Variants in MACF1 observed in about 807,000 individuals in gnomAD.
MACF1 encodes microtubule actin crosslinking factor 1.
MACF1 carries 193 observed loss-of-function variants against 854.8 expected under a neutral mutation model. The ratio of observed to expected loss-of-function variants is 0.23; its 90% CI spans 0.20 to 0.25. The LOEUF (loss-of-function observed/expected upper bound fraction) is 0.25. MACF1 is among the 10% of genes least tolerant of loss of function. The pLI is 1.00. For missense variants in MACF1, 7,722 were observed against 8,929.1 expected (o/e 0.86, Z 5.45); for synonymous variants, 3,185 against 3,226.7 (o/e 0.99, Z 0.44).
At chr1:39,432,790 G>A in intron 67 of MACF1, 136 bp downstream of exon 67, 5 of 1,083,678 alleles carry the variant, frequency 4.6e-6, no homozygotes, top group Non-Finnish European at 6.3e-6. Flanking sequence ...CTATGTATTT[G>A]GTTGAGATGA....
chr1:39,331,785 T>C lies in MACF1; in HGVS notation c.5197T>C (p.Leu1733=), dbSNP rs151286733. Residue 1733 remains leucine (L), a synonymous_variant, in exon 37 of 101, where the codon TTG becomes CTG. Transcript: ENST00000564288. ...SGFKLLPVKQ[L]AGGMVSLKSG... is the part of the protein sequence containing the mutation. ...ATTCAAATTACTGCCTGTCAAACAA[T>C]TGGCAGGGGGGATGGTGAGCTTGAA... 8.1e-6 allele frequency: 13 copies of C among 1,613,988 alleles called. No homozygotes were observed. Among genetic ancestry groups the C allele is most frequent in the Non-Finnish European group, 1.0e-5 (12 of 1,180,028 alleles).
Position 39,317,372 on chromosome 1 carries a change from G to T in MACF1, c.3747G>T (p.Glu1249Asp), listed in dbSNP as rs1333630806. The change falls in exon 29 of 101, where the codon GAG becomes GAT. Residue 1249 changes from glutamate (E) to aspartate (D), a missense_variant. Physicochemically the swap from Glu to Asp is conservative, Grantham distance 45 (BLOSUM62 2). Transcript: ENST00000564288. ...AGGAAAAAGGCTCCCAGCTGCAGGA[G>T]CGTTGGCACCGAGTCATTGCCCAGC... is the stretch of plus-strand genomic sequence containing the variant. ...RYQEKGSQLQ[E>D]RWHRVIAQLE... 1.2e-6 allele frequency: 2 copies of T among 1,613,126 alleles called. No homozygotes were observed. Among genetic ancestry groups the T allele is most frequent in the African/African-American group, 2.7e-5 (2 of 74,904 alleles).
At chr1:39,323,408 T>G (rs1646548494) in intron 33 of MACF1, among the ~76,000 whole-genome samples, 2 of 151,622 alleles carry the variant, frequency 1.3e-5, no homozygotes, top group South Asian at 2.1e-4. Flanking sequence ...TTAAAAAAAT[T>G]TTTTAAACCA....
At chr1:39,323,930 T>A (rs751628097) in intron 33 of MACF1, among the ~76,000 whole-genome samples, 30 of 152,166 alleles carry the variant, frequency 2.0e-4, no homozygotes, top group Non-Finnish European at 4.1e-4. Context: ...AAGCATCAAA[T>A]AATTATTGAG....
intron 2 of MACF1, among the ~76,000 whole-genome samples, chr1:39,095,956 T>TCGTAGTGAGTCGAGA (rs1488331359): frequency 2.0e-5 from 3 of 150,204 alleles, no homozygotes; most frequent in African/African-American, 7.4e-5. Flanking sequence ...ATCACTTGAG[T>TCGTAGTGAGTCGAGA]CTGGGATATC....
At chr1:39,187,117 T>G (rs913934523) in intron 2 of MACF1, among the ~76,000 whole-genome samples, 1 of 152,172 alleles carries the variant, frequency 6.6e-6, no homozygotes, top group Non-Finnish European at 1.5e-5. Flanking sequence ...AGTCACACGT[T>G]ATTGCCGTTA....
chr1:39,260,337 G>C (rs901935317), intron 6 of MACF1: 1 of 151,348 alleles, frequency 6.6e-6, no homozygotes, highest in African/African-American at 2.4e-5. Flanking sequence ...AATGCTCCTA[G>C]GTTGCCCATT....
At chr1:39,281,401 TAATC>T (rs1384564726) in intron 6 of MACF1, among the ~76,000 whole-genome samples, 4 of 152,152 alleles carry the variant, frequency 2.6e-5, no homozygotes, top group Non-Finnish European at 5.9e-5. Context: ...TTATACAAAA[TAATC>T]AAGATTACTA....
chr1:39,286,804 A>G (rs1645652786), intron 14 of MACF1, among the ~76,000 whole-genome samples: 2 of 152,164 alleles, frequency 1.3e-5, no homozygotes, highest in Non-Finnish European at 2.9e-5. Flanking sequence ...TGGGAGTTAT[A>G]TAAATAGTAT....
chr1:39,399,433 G>A (rs957734177), intron 58 of MACF1, among the ~76,000 whole-genome samples: 2 of 141,976 alleles, frequency 1.4e-5, no homozygotes, highest in African/African-American at 2.7e-5. Context: ...GGAGTGCAGT[G>A]GTGCGATCTC....
chr1:39,102,500 A>G (rs1642118891), intron 2 of MACF1, among the ~76,000 whole-genome samples: 1 of 151,978 alleles, frequency 6.6e-6, no homozygotes, highest in South Asian at 2.1e-4. Context: ...GGAGTGAGCC[A>G]GGCCAAAGGA....
In MACF1 at chr1:39,411,305, CTT is replaced by C. The variant is rs752229672; in HGVS notation, c.15817-11066_15817-11065del. On this transcript the variant is annotated intron_variant, in intron 58 of 100. Transcript: ENST00000564288. The stretch of plus-strand genomic sequence containing the variant: ...GAGAAACTGTCAGACAGGGAAAAGA[CTT>C]TTCTGATGGCAGATGAGAAGAACAG... 5.0e-6 allele frequency: 8 copies of C among 1,613,910 alleles called. No homozygotes were observed. The Admixed American group carries it at 1.3e-4, about 27-fold the overall frequency.
intron 2 of MACF1, 127 bp downstream of exon 2, chr1:39,231,370 C>T: frequency 1.2e-6 from 1 of 821,244 alleles, no homozygotes; most frequent in Non-Finnish European, 2.0e-6. Flanking sequence ...ACACATGTGA[C>T]TTTTCTTTTC....
chr1:39,174,598 G>A (rs535650346), intron 2 of MACF1, among the ~76,000 whole-genome samples: 2 of 152,232 alleles, frequency 1.3e-5, no homozygotes, highest in African/African-American at 4.8e-5. Flanking sequence ...TAGAGGCTCA[G>A]TGTCTTCTTA....
intron 99 of MACF1, among the ~76,000 whole-genome samples, chr1:39,482,505 G>A (rs1471807769): frequency 1.4e-5 from 2 of 146,062 alleles, no homozygotes; most frequent in Non-Finnish European, 3.1e-5. Context: ...ATGTTTTGGG[G>A]GTTTTTTTGT....
intron 95 of MACF1, 29 bp from the exon 96 acceptor site, chr1:39,468,586 T>C: frequency 1.9e-6 from 3 of 1,552,924 alleles, no homozygotes; most frequent in African/African-American, 2.7e-5. Context: ...AAGACATATA[T>C]ATTAATTAAG....
At chr1:39,267,884 G>A (rs1016656595) in intron 6 of MACF1, among the ~76,000 whole-genome samples, 3 of 152,112 alleles carry the variant, frequency 2.0e-5, no homozygotes, top group African/African-American at 7.2e-5. Context: ...GAAAAAGGAG[G>A]GAAATAAATG....
chr1:39,318,713 T>A, intron 30 of MACF1, 98 bp downstream of exon 30: 1 of 1,253,920 alleles, frequency 8.0e-7, no homozygotes, highest in Non-Finnish European at 1.1e-6. Context: ...TTCCTCCAAA[T>A]GGAAGATATC....
At position 39,460,870 on chromosome 1, in the gene MACF1, T is replaced by G. The variant is rs1644538472; in HGVS notation, c.21523+76T>G. On this transcript the variant is annotated intron_variant, in intron 92 of 100. Coordinates refer to ENST00000564288, the MANE Select transcript of MACF1 (RefSeq NM_001394062.1). The surrounding 1 kb of genome is among the most constrained non-coding windows in gnomAD (Gnocchi z 4.1). ...TTTGTAGAAGCTGTGATATTCTAGC[T>G]AAACAGTCTTTCTGAAGCTGGCCAG... 1.3e-6 allele frequency: 2 copies of G among 1,531,060 alleles called. No individual in the cohort carries two copies. Among genetic ancestry groups the G allele is most frequent in the Admixed American group, 3.4e-5 (2 of 58,240 alleles). The allele number at this position is 1,531,060 out of a possible 1,614,324, so 94.8% of individuals were successfully genotyped here.
Sources: allele counts gnomAD v4.1 joint callset (sites outside exome capture counted in the v4.1 genomes callset), GRCh38; gene constraint gnomAD v4.1.1; non-coding constraint Gnocchi (gnomAD v3.1); transcripts MANE v1.5; gene names NCBI Gene and HGNC (gene_info 2026-07-23, HGNC 2026-07-21).